ATAD3C: variants seen among roughly 807,000 people sequenced by gnomAD.
The protein encoded by ATAD3C is ATPase family AAA domain-containing protein 3C.
ATAD3C carries 38 observed loss-of-function variants against 46.3 expected under a neutral mutation model. The ratio of observed to expected loss-of-function variants is 0.82; its 90% CI spans 0.63 to 1.08. The LOEUF is 1.08. Ranked by LOEUF, ATAD3C falls within the 50% of genes least tolerant of loss-of-function variation. The pLI is 0.00. For synonymous variants in ATAD3C, 220 were observed against 236.4 expected (o/e 0.93, Z 0.63); for missense variants, 563 against 572.7 (o/e 0.98, Z 0.17).
chr1:1,467,427 T>C (rs527458223), intron 11 of ATAD3C, among the ~76,000 whole-genome samples: 3 of 151,862 alleles, frequency 2.0e-5, no homozygotes, highest in African/African-American at 4.8e-5. Flanking sequence ...CCCACAGTGG[T>C]GGTCCGGCTC....
Position 1,452,367 on chromosome 1 carries a change from C to T in ATAD3C, c.155C>T (p.Ala52Val), listed in dbSNP as rs113110734. 3,261 of 1,613,778 alleles carry T rather than the reference C, an allele frequency of 2.0e-3. 63 individuals carry two copies. In the African/African-American group the frequency reaches 0.037, roughly 18 times the overall value. Residue 52 changes from alanine to valine, a missense_variant and splice_region_variant, in exon 3 of 12, where the codon GCG (alanine) becomes GTG (valine). Physicochemically the swap from Ala to Val is moderately conservative, Grantham distance 64. Around this residue, in one of 3 missense-constraint regions of ATAD3C, gnomAD observed 263 missense variants for 243.1 expected, o/e 1.08. Coordinates refer to ENST00000378785, the MANE Select transcript of ATAD3C (RefSeq NM_001039211.3). ...TCACACCACTGCTTTCCCCACAGGG[C>T]GGCTGGCACCTTGTTTGGGGAAGGA... ...HHQTFLESIR[A>V]AGTLFGEGFR... is the part of the protein sequence containing the mutation.
chr1:1,454,941 C>T (rs773865207), intron 4 of ATAD3C, among the ~76,000 whole-genome samples: 1 of 151,834 alleles, frequency 6.6e-6, no homozygotes, highest in African/African-American at 2.4e-5. Flanking sequence ...GCTGGCCGGG[C>T]GTGGTGGCTC....
chr1:1,451,732 CAG>C (rs755485084), intron 1 of ATAD3C, among the ~76,000 whole-genome samples: 3 of 152,156 alleles, frequency 2.0e-5, no homozygotes, highest in African/African-American at 4.8e-5. Context: ...TGGCAGAAGA[CAG>C]AAGCTTCCTT....
chr1:1,468,503 G>C lies in ATAD3C; in HGVS notation c.1209G>C (p.Gly403=). 6.2e-7 allele frequency: 1 copy of C among 1,609,260 alleles called. No homozygotes were observed. Among genetic ancestry groups the C allele is most frequent in the Admixed American group, 1.7e-5 (1 of 58,590 alleles). The change falls in exon 12 of 12, where the codon GGG becomes GGC. Residue 403 remains glycine (G), a synonymous_variant. Coordinates refer to ENST00000378785, the MANE Select transcript of ATAD3C (RefSeq NM_001039211.3). The stretch of plus-strand genomic sequence containing the variant: ...GCTGGCTGAAGGGGGAGAGGCCTGG[G>C]CCCGAGGACGAGCAACCCTCATCCT... ...MMRWLKGERP[G]PEDEQPSS is the part of the protein sequence containing the mutation.
rs553088188 is a variant in ATAD3C, at chr1:1,468,932, T to C, written c.*402T>C. ...GCGAAACAGACACAGCGGCTTCAAA[T>C]AGATGCCGCCCCTGCCCGCGCTTTG... On this transcript the variant is annotated 3_prime_UTR_variant, in exon 12 of 12. Coordinates refer to ENST00000378785, the MANE Select transcript of ATAD3C (RefSeq NM_001039211.3). 70 of 226,352 alleles carry C rather than the reference T, an allele frequency of 3.1e-4. 1 individual carries two copies. In the East Asian group the frequency reaches 0.011, roughly 35 times the overall value. The allele number at this position is 226,352 out of a possible 1,614,324, so 14.0% of individuals were successfully genotyped here.
intron 3 of ATAD3C, 122 bp from the exon 4 acceptor site, chr1:1,454,223 C>T: frequency 2.1e-6 from 3 of 1,428,634 alleles, no homozygotes; most frequent in Non-Finnish European, 2.8e-6. Context: ...CCTGTGGGGC[C>T]AGCACACGGC....
rs915161868 is a variant in ATAD3C, at chr1:1,450,667, C to G, written c.-17C>G. On this transcript the variant is annotated 5_prime_UTR_variant, in exon 1 of 12. Coordinates refer to ENST00000378785, the MANE Select transcript of ATAD3C (RefSeq NM_001039211.3). Reference sequence around the variant, plus strand: ...GTATCCTAACACCTGCCCTCCGTGTCCCTGCATCTGCAGGCCATGTCAAAG... The same window carrying G: ...GTATCCTAACACCTGCCCTCCGTGTGCCTGCATCTGCAGGCCATGTCAAAG... 2 of 1,608,914 alleles carry G rather than the reference C, an allele frequency of 1.2e-6. No homozygotes were observed. The highest frequency in any genetic ancestry group is 1.1e-5 in the South Asian group (1 of 90,436).
In ATAD3C at chr1:1,466,385, T is replaced by C. The variant is rs1321136330; in HGVS notation, c.1090-1999T>C. On this transcript the variant is annotated intron_variant, in intron 11 of 11. Transcript: ENST00000378785. ...GGCTAACATGGTGAAACCCTGTCTC[T>C]ACTAAAAAATATAAAAAATTAGCTG... is the stretch of plus-strand genomic sequence containing the variant. Among the ~76,000 whole-genome samples the C allele has an allele frequency of 2.0e-5, 3 of 151,476 alleles. No homozygotes were observed. The East Asian group carries it at 5.8e-4, about 29-fold the overall frequency.
At chr1:1,460,659 A>G in intron 9 of ATAD3C, 91 bp from the exon 10 acceptor site, 3 of 1,431,682 alleles carry the variant, frequency 2.1e-6, no homozygotes, top group South Asian at 3.0e-5. Flanking sequence ...TCTCCCAGAA[A>G]GTCTTCCTGA....
chr1:1,468,212 C>T (rs764793255), intron 11 of ATAD3C, among the ~76,000 whole-genome samples, 172 bp from the exon 12 acceptor site: 1 of 152,182 alleles, frequency 6.6e-6, no homozygotes, highest in Non-Finnish European at 1.5e-5. Context: ...CAGGGGCTGC[C>T]CCCGGTGTCC....
chr1:1,468,575 T>G lies in ATAD3C; in HGVS notation c.*45T>G, dbSNP rs748488986. 30 of 1,580,648 alleles carry G rather than the reference T, an allele frequency of 1.9e-5. No individual in the cohort carries two copies. Among genetic ancestry groups the G allele is most frequent in the Non-Finnish European group, 2.5e-5 (29 of 1,165,856 alleles). ...CTCACGGAGCCTGGCCGCGGACCCC[T>G]CCCACCCCTGCCTTTGCGGCCCCGC... is the stretch of plus-strand genomic sequence containing the variant. On this transcript the variant is annotated 3_prime_UTR_variant, in exon 12 of 12. Coordinates refer to ENST00000378785, the MANE Select transcript of ATAD3C (RefSeq NM_001039211.3).
chr1:1,460,841 G>A lies in ATAD3C; in HGVS notation c.904G>A (p.Gly302Arg). The A allele has an allele frequency of 6.2e-7, 1 of 1,613,210 alleles. No homozygotes were observed. The highest frequency in any genetic ancestry group is 8.5e-7 in the Non-Finnish European group (1 of 1,179,498). ...IDVMVHFDLP[G>R]QEERARLVRM... ...CGTGATGGTCCACTTCGACCTGCCAGGGCAGGAGGAGCGGGCGCGCCTGGT... is the reference window on the plus strand; with the variant it reads ...CGTGATGGTCCACTTCGACCTGCCAAGGCAGGAGGAGCGGGCGCGCCTGGT... The change falls in exon 10 of 12, where the codon GGG becomes AGG. Residue 302 changes from glycine to arginine, a missense_variant. Transcript: ENST00000378785.
At chr1:1,458,229 C>T (rs541524280) in intron 8 of ATAD3C, among the ~76,000 whole-genome samples, 2 of 152,028 alleles carry the variant, frequency 1.3e-5, no homozygotes, top group Non-Finnish European at 2.9e-5. Context: ...AATCTGCCCG[C>T]TGCTGCCTCC....
chr1:1,453,202 T>C (rs1638894549), intron 3 of ATAD3C, among the ~76,000 whole-genome samples: 1 of 152,084 alleles, frequency 6.6e-6, no homozygotes, highest in Non-Finnish European at 1.5e-5. Context: ...AATGCACTGT[T>C]GACTTTTGTT....
Position 1,460,546 on chromosome 1 carries a change from G to A in ATAD3C, c.813-204G>A, listed in dbSNP as rs377444557. On this transcript the variant is annotated intron_variant, in intron 9 of 11. Coordinates refer to ENST00000378785, the MANE Select transcript of ATAD3C (RefSeq NM_001039211.3). ...GGCAAGAACAGAGGCCCAGGAAGCC[G>A]GGCAGGGGGACAGCTGGGCGTGGTG... Among the ~76,000 whole-genome samples, 27 of 152,180 alleles carry A rather than the reference G, an allele frequency of 1.8e-4. 1 individual carries two copies. Among genetic ancestry groups the A allele is most frequent in the African/African-American group, 5.5e-4 (23 of 41,540 alleles).
At chr1:1,464,403 A>C (rs1031124435) in intron 11 of ATAD3C, among the ~76,000 whole-genome samples, 2 of 151,776 alleles carry the variant, frequency 1.3e-5, no homozygotes, top group Non-Finnish European at 2.9e-5. Context: ...CCTTATAAGG[A>C]CACTCATCCT....
In ATAD3C at chr1:1,468,649, C is replaced by T. The variant is rs1380816047; in HGVS notation, c.*119C>T. On this transcript the variant is annotated 3_prime_UTR_variant, in exon 12 of 12. Transcript: ENST00000378785. ...ATAAAGTCCCACGGGGGCCGCACCG[C>T]TGTGTCTATTGGCTGACACGGGGCG... 6.4e-7 allele frequency: 1 copy of T among 1,564,980 alleles called. No homozygotes were observed. Among genetic ancestry groups the T allele is most frequent in the African/African-American group, 1.4e-5 (1 of 73,394 alleles).
chr1:1,457,781 G>A (rs910885227), intron 8 of ATAD3C, among the ~76,000 whole-genome samples: 7 of 149,206 alleles, frequency 4.7e-5, no homozygotes, highest in African/African-American at 1.2e-4. Flanking sequence ...CAGTGCAAGC[G>A]ATTCTCCTGC....
intron 8 of ATAD3C, among the ~76,000 whole-genome samples, chr1:1,457,595 C>CAAAAAA (rs777757826): frequency 0.011 from 407 of 36,426 alleles, 42 homozygotes; most frequent in African/African-American, 0.052. Context: ...GACTTCATCT[C>CAAAAAA]AAAAAAAAAA....
Sources: allele counts gnomAD v4.1 joint callset (sites outside exome capture counted in the v4.1 genomes callset), GRCh38; gene constraint gnomAD v4.1.1; regional missense constraint gnomAD v4.1.1; transcripts MANE v1.5; gene names NCBI Gene and HGNC (gene_info 2026-07-23, HGNC 2026-07-21).